Variants in KANK2 observed in about 807,000 individuals in gnomAD.
KANK2 encodes the protein KN motif and ankyrin repeat domain-containing protein 2.
Under a neutral mutation model 74.6 loss-of-function variants are expected in KANK2, and 41 were observed. That is an observed-to-expected ratio of 0.55 (90% confidence interval 0.43 to 0.71). The LOEUF is 0.71. Ranked by LOEUF, KANK2 falls within the 30% of genes least tolerant of loss-of-function variation. KANK2 has a pLI of 0.00. For missense variants in KANK2, 1,148 were observed against 1,196.4 expected (o/e 0.96, Z 0.60); for synonymous variants, 537 against 519.0 (o/e 1.03, Z -0.47).
In KANK2 at chr19:11,178,739, A is replaced by C. The variant is rs773488026; in HGVS notation, c.1250-19T>G. 8 of 1,508,242 alleles carry C rather than the reference A, an allele frequency of 5.3e-6. No homozygotes were observed. Among genetic ancestry groups the C allele is most frequent in the Non-Finnish European group, 5.3e-6 (6 of 1,132,684 alleles). The allele number at this position is 1,508,242 out of a possible 1,614,324, so 93.4% of individuals were successfully genotyped here. Reference sequence around the variant, plus strand: ...GGGAGGCCTGGAGGGACAGGAAATGAGTGTCTGCTCTTGGTCATAAAAGCC... The same window carrying C: ...GGGAGGCCTGGAGGGACAGGAAATGCGTGTCTGCTCTTGGTCATAAAAGCC... On this transcript the variant is annotated intron_variant, in intron 4 of 12. Transcript: ENST00000586659.
At chr19:11,176,367 A>AC (rs1428799658) in intron 7 of KANK2, among the ~76,000 whole-genome samples, 1 of 152,154 alleles carries the variant, frequency 6.6e-6, no homozygotes, top group Non-Finnish European at 1.5e-5. Context: ...CTAAATCCTA[A>AC]CCCCGGCAGC....
Position 11,165,119 on chromosome 19 carries a change from C to G in KANK2, c.*1439G>C, listed in dbSNP as rs1053204449. On this transcript the variant is annotated 3_prime_UTR_variant, in exon 13 of 13. Transcript: ENST00000586659. ...TGTGGAGATTCTTAGGGGACCAAAA[C>G]AGGCCATGAAGGAAACTGTGAGTGT... 13 of 142,402 alleles carry G rather than the reference C, an allele frequency of 9.1e-5. No individual in the cohort carries two copies. In the East Asian group the frequency reaches 2.3e-3, roughly 26 times the overall value. The allele number at this position is 142,402 out of a possible 1,614,324, so 8.8% of individuals were successfully genotyped here.
At chr19:11,172,855 G>A in intron 10 of KANK2, 126 bp downstream of exon 10, 2 of 1,001,388 alleles carry the variant, frequency 2.0e-6, no homozygotes, top group South Asian at 3.0e-5. Context: ...TCCTGTGTCA[G>A]AGACAGCCTG....
At chr19:11,181,900 A>G (rs1039256035) in intron 4 of KANK2, among the ~76,000 whole-genome samples, 12 of 150,526 alleles carry the variant, frequency 8.0e-5, no homozygotes, top group African/African-American at 1.5e-4. Flanking sequence ...ATACTCAAAC[A>G]TGGATAAGAT....
Position 11,194,603 on chromosome 19 carries a change from A to G in KANK2, c.-79-13T>C. On this transcript the variant is annotated splice_polypyrimidine_tract_variant and intron_variant, in intron 2 of 12. Transcript: ENST00000586659. ...GGCTGAGGCTTACCTGGGGAAAGAGAACCACGGCGCCGGGAGTTAGGAGTC... is the reference window on the plus strand; with the variant it reads ...GGCTGAGGCTTACCTGGGGAAAGAGGACCACGGCGCCGGGAGTTAGGAGTC... 1 of 1,037,478 alleles carries G rather than the reference A, an allele frequency of 9.6e-7. No individual in the cohort carries two copies. The highest frequency in any genetic ancestry group is 1.5e-6 in the Non-Finnish European group (1 of 663,576). The allele number at this position is 1,037,478 out of a possible 1,614,324, so 64.3% of individuals were successfully genotyped here. A position where few individuals can be genotyped will look rare whatever the true frequency, so the allele number is the denominator to read the frequency against.
rs908074690 is a variant in KANK2, at chr19:11,182,391, G to A, written c.1250-3671C>T. 7.9e-5 allele frequency among the ~76,000 whole-genome samples: 12 copies of A among 151,848 alleles called. No homozygotes were observed. The East Asian group carries it at 1.9e-3, about 25-fold the overall frequency. On this transcript the variant is annotated intron_variant, in intron 4 of 12. Transcript: ENST00000586659. ...AAGTTAGCCAGGTGTGGTGGAGTGC[G>A]CCTATAGTTCTAACTACTTGGGACT...
intron 4 of KANK2, among the ~76,000 whole-genome samples, chr19:11,190,197 C>T (rs902801107): frequency 6.6e-6 from 1 of 151,800 alleles, no homozygotes; most frequent in Non-Finnish European, 1.5e-5. Context: ...TGCAGTGGTG[C>T]GACCTCGGCC....
chr19:11,191,316 G>T (rs1213503876), intron 4 of KANK2, among the ~76,000 whole-genome samples: 1 of 152,264 alleles, frequency 6.6e-6, no homozygotes, highest in African/African-American at 2.4e-5. Flanking sequence ...TGGGATTACA[G>T]GCGTGAGCCA....
intron 4 of KANK2, among the ~76,000 whole-genome samples, chr19:11,185,531 AT>A (rs2147534367): frequency 6.7e-6 from 1 of 149,878 alleles, no homozygotes; most frequent in South Asian, 2.1e-4. Context: ...CGTAAAAATC[AT>A]TCTTAGCTGT....
rs576353963 is a variant in KANK2, at chr19:11,179,443, C to A, written c.1250-723G>T. 7.2e-5 allele frequency among the ~76,000 whole-genome samples: 11 copies of A among 151,788 alleles called. No individual in the cohort carries two copies. In the South Asian group the frequency reaches 2.3e-3, roughly 32 times the overall value. ...CACGAGGTCAGGAGTTCAAGACCAG[C>A]CTGGCCAACATGGTGAAACCCCATC... On this transcript the variant is annotated intron_variant, in intron 4 of 12. Coordinates refer to ENST00000586659, the MANE Select transcript of KANK2 (RefSeq NM_001136191.3).
At position 11,193,749 on chromosome 19, in the gene KANK2, A is replaced by C. The variant is rs1234842870; in HGVS notation, c.331T>G (p.Tyr111Asp). Residue 111 changes from tyrosine to aspartate, a missense_variant, in exon 4 of 13, where the codon TAT becomes GAT. Transcript: ENST00000586659. The surrounding 1 kb of genome is among the most constrained non-coding windows in gnomAD (Gnocchi z 9.6). The stretch of plus-strand genomic sequence containing the variant: ...CCACCGCGGGTCTCCAGAGCACCAT[A>C]CTGAGGGTAGAAGCCACGGCCGCAG... ...SYCGRGFYPQ[Y>D]GALETRGGFN... 1.9e-6 allele frequency: 3 copies of C among 1,612,394 alleles called. No homozygotes were observed. The highest frequency in any genetic ancestry group is 2.5e-6 in the Non-Finnish European group (3 of 1,179,712).
intron 4 of KANK2, among the ~76,000 whole-genome samples, chr19:11,180,915 C>T (rs1471473334): frequency 3.3e-5 from 5 of 151,648 alleles, no homozygotes; most frequent in East Asian, 2.0e-4. Context: ...GGCAAAACCC[C>T]GTCTCTACTA....
chr19:11,173,864 G>C (rs550157785), intron 9 of KANK2, among the ~76,000 whole-genome samples: 3 of 152,106 alleles, frequency 2.0e-5, no homozygotes, highest in Non-Finnish European at 2.9e-5. Flanking sequence ...TCTGCCATTT[G>C]ACTGGGAAGA....
chr19:11,191,981 C>G (rs561190352), intron 4 of KANK2, among the ~76,000 whole-genome samples: 1 of 152,090 alleles, frequency 6.6e-6, no homozygotes, highest in East Asian at 1.9e-4. Context: ...ATTGCTTGAG[C>G]CTAGGAAGTC....
chr19:11,178,259 A>C, intron 6 of KANK2, 86 bp downstream of exon 6: 4 of 1,105,356 alleles, frequency 3.6e-6, no homozygotes, highest in Admixed American at 4.5e-5. Context: ...GGAGCTCAGA[A>C]TGAGGTAATT....
chr19:11,170,402 A>G lies in KANK2; in HGVS notation c.2212-154T>C, dbSNP rs1284968347. ...CTGAATCTCAAACAACCCTCCCGTC[A>G]CCAGGGGAGTAATAAATCCACAGAG... On this transcript the variant is annotated intron_variant, in intron 10 of 12. Transcript: ENST00000586659. This position sits in a 1 kb window ranked among gnomAD's most constrained non-coding sequence, Gnocchi z 5.2. 1 of 618,582 alleles carries G rather than the reference A, an allele frequency of 1.6e-6. No individual in the cohort carries two copies. Among genetic ancestry groups the G allele is most frequent in the Non-Finnish European group, 2.8e-6 (1 of 351,934 alleles). The allele number at this position is 618,582 out of a possible 1,614,324, so 38.3% of individuals were successfully genotyped here. A position where few individuals can be genotyped will look rare whatever the true frequency, so the allele number is the denominator to read the frequency against.
chr19:11,178,673 C>T lies in KANK2; in HGVS notation c.1297G>A (p.Glu433Lys), dbSNP rs747708274. Reference sequence around the variant, plus strand: ...TCAGGCTGTGTAAGGGAGGCTACCTCGGACCCCGGGGGTGACGAAGACGAT... The same window carrying T: ...TCAGGCTGTGTAAGGGAGGCTACCTTGGACCCCGGGGGTGACGAAGACGAT... Reference protein sequence around the residue: ...AESSSSPPGSEVASLTQPEKS... With the variant: ...AESSSSPPGSKVASLTQPEKS... The change falls in exon 5 of 13, where the codon GAG becomes AAG. Residue 433 changes from glutamate (E) to lysine (K), a missense_variant. Glu to Lys is a moderately conservative substitution (Grantham distance 56). Coordinates refer to ENST00000586659, the MANE Select transcript of KANK2 (RefSeq NM_001136191.3). The T allele has an allele frequency of 5.8e-6, 9 of 1,550,416 alleles. No homozygotes were observed. In the Admixed American group the frequency reaches 1.1e-4, roughly 19 times the overall value.
In KANK2 at chr19:11,193,283, C is replaced by T. The variant is rs1329365706; in HGVS notation, c.797G>A (p.Ser266Asn). 4 of 1,611,646 alleles carry T rather than the reference C, an allele frequency of 2.5e-6. No homozygotes were observed. The highest frequency in any genetic ancestry group is 1.7e-5 in the Admixed American group (1 of 60,022). The change falls in exon 4 of 13, where the codon AGT becomes AAT. Residue 266 changes from serine to asparagine, a missense_variant. Ser to Asn is a conservative substitution (Grantham distance 46). Transcript: ENST00000586659. The surrounding 1 kb of genome is among the most constrained non-coding windows in gnomAD (Gnocchi z 9.6). ...PEDPVALETR[S>N]VGTWVRERDL... ...CCGTTCTCGAACCCAGGTGCCCACA[C>T]TCCGGGTCTCCAGTGCCACTGGGTC...
intron 6 of KANK2, among the ~76,000 whole-genome samples, chr19:11,177,918 C>T (rs2078391990): frequency 2.0e-5 from 3 of 152,140 alleles, no homozygotes; most frequent in Non-Finnish European, 2.9e-5. Flanking sequence ...TTCTCCCGTA[C>T]CACCTGTGTC....
Sources: allele counts gnomAD v4.1 joint callset (sites outside exome capture counted in the v4.1 genomes callset), GRCh38; gene constraint gnomAD v4.1.1; non-coding constraint Gnocchi (gnomAD v3.1); transcripts MANE v1.5; gene names NCBI Gene and HGNC (gene_info 2026-07-23, HGNC 2026-07-21).